The following NR1H2 variants were observed in gnomAD, a reference collection of about 807,000 sequenced individuals.
The protein encoded by NR1H2 is oxysterols receptor LXR-beta.
Under a neutral mutation model 51.2 loss-of-function variants are expected in NR1H2, and 33 were observed. The observed-to-expected ratio is 0.64, with a 90% CI of 0.49 to 0.86. The LOEUF (loss-of-function observed/expected upper bound fraction) is 0.86, where lower values mean the gene tolerates loss of function less well. Among genes scored for constraint, NR1H2 ranks in the 40% least tolerant of loss-of-function variants. NR1H2 has a pLI of 0.00. For missense variants in NR1H2, 592 were observed against 639.9 expected, an observed-to-expected ratio of 0.93 and a Z score of 0.81; for synonymous variants, 310 against 264.3, an observed-to-expected ratio of 1.17 and a Z score of -1.68.
intron 8 of NR1H2, among the ~76,000 whole-genome samples, chr19:50,380,088 T>A (rs1288047285): frequency 6.6e-6 from 1 of 152,178 alleles, no homozygotes; most frequent in Non-Finnish European, 1.5e-5. Flanking sequence ...GAGGGCAGAT[T>A]GCTTGAGGCT....
intron 7 of NR1H2, among the ~76,000 whole-genome samples, 163 bp downstream of exon 7, chr19:50,379,344 G>A (rs2037727351): frequency 6.6e-6 from 1 of 152,232 alleles, no homozygotes; most frequent in Non-Finnish European, 1.5e-5. Context: ...CTGAGGCTGA[G>A]AAAATTGAGG....
chr19:50,377,564 T>G, intron 2 of NR1H2, 23 bp from the exon 3 acceptor site: 1 of 1,599,930 alleles, frequency 6.3e-7, no homozygotes, highest in East Asian at 2.2e-5. Context: ...CCCACAAGGC[T>G]CTCAATCCCC....
At position 50,378,577 on chromosome 19, in the gene NR1H2, G is replaced by C; in HGVS notation, c.528G>C (p.Glu176Asp). The C allele has an allele frequency of 6.2e-7, 1 of 1,613,812 alleles. No homozygotes were observed. Among genetic ancestry groups the C allele is most frequent in the Non-Finnish European group, 8.5e-7 (1 of 1,179,748 alleles). ...AGAAGATTCGGAAACAGCAGCAGGA[G>C]TCACAGTCACAGTCGCAGTCACCTG... ...RKKKIRKQQQESQSQSQSPVG... is the reference protein window; with the variant it reads ...RKKKIRKQQQDSQSQSQSPVG... The change falls in exon 6 of 10, where the codon GAG becomes GAC. Residue 176 changes from glutamate to aspartate, a missense_variant. Transcript: ENST00000253727.
At chr19:50,376,663 T>A (rs2037667716) in intron 1 of NR1H2, 56 bp from the exon 2 acceptor site, 2 of 152,316 alleles carry the variant, frequency 1.3e-5, no homozygotes, top group Non-Finnish European at 2.9e-5. Flanking sequence ...CTCTGCCCCC[T>A]TCTCTCCTTC....
Position 50,377,602 on chromosome 19 carries a change from C to T in NR1H2, c.-4C>T. The T allele has an allele frequency of 1.9e-6, 3 of 1,613,758 alleles. No homozygotes were observed. The highest frequency in any genetic ancestry group is 1.7e-6 in the Non-Finnish European group (2 of 1,179,772). On this transcript the variant is annotated 5_prime_UTR_variant, in exon 3 of 10. Coordinates refer to ENST00000253727, the MANE Select transcript of NR1H2 (RefSeq NM_007121.7). ...TATTCTACAGGCTGCTCCGTGACCC[C>T]ACCATGTCCTCTCCTACCACGAGTT...
rs573049582 is a variant in NR1H2, at chr19:50,379,873, C to T, written c.1021C>T (p.Arg341Cys). Reference protein sequence around the residue: ...DFTYSKDDFHRAGLQVEFINP... With the variant: ...DFTYSKDDFHCAGLQVEFINP... ...CACCTACAGCAAGGACGACTTCCACCGTGCAGGTAGGGCCCAGGGGAGGCT... is the reference window on the plus strand; with the variant it reads ...CACCTACAGCAAGGACGACTTCCACTGTGCAGGTAGGGCCCAGGGGAGGCT... Residue 341 changes from arginine (R) to cysteine (C), a missense_variant, in exon 8 of 10, where the codon CGT (arginine) becomes TGT (cysteine). Coordinates refer to ENST00000253727, the MANE Select transcript of NR1H2 (RefSeq NM_007121.7). 1.1e-5 allele frequency: 17 copies of T among 1,611,992 alleles called. No homozygotes were observed. The highest frequency in any genetic ancestry group is 5.3e-5 in the African/African-American group (4 of 74,988).
chr19:50,379,684 C>G (rs2037734231), intron 7 of NR1H2, 96 bp from the exon 8 acceptor site: 4 of 777,776 alleles, frequency 5.1e-6, no homozygotes, highest in Non-Finnish European at 9.2e-6. Context: ...AAGGGATAAT[C>G]CTGGTGAGAT....
At position 50,382,742 on chromosome 19, in the gene NR1H2, C is replaced by G. The variant is rs2037803006; in HGVS notation, c.*140C>G. ...CGGCTCTCATCCCTTGGGATAAGCC[C>G]CAGTCCAGGTCCAGGAGGCTCCCTC... is the stretch of plus-strand genomic sequence containing the variant. On this transcript the variant is annotated 3_prime_UTR_variant, in exon 10 of 10. Coordinates refer to ENST00000253727, the MANE Select transcript of NR1H2 (RefSeq NM_007121.7). The G allele has an allele frequency of 3.3e-6, 3 of 897,024 alleles. No homozygotes were observed. The highest frequency in any genetic ancestry group is 4.9e-6 in the Non-Finnish European group (3 of 614,294). The allele number at this position is 897,024 out of a possible 1,614,324, so 55.6% of individuals were successfully genotyped here. A position where few individuals can be genotyped will look rare whatever the true frequency, so the allele number is the denominator to read the frequency against.
Position 50,381,996 on chromosome 19 carries a change from TCGAG to T in NR1H2, c.1059_1062del (p.Glu354SerfsTer68). On this transcript the variant is annotated frameshift_variant, in exon 9 of 10. Coordinates refer to ENST00000253727, the MANE Select transcript of NR1H2 (RefSeq NM_007121.7). LOFTEE classifies it high-confidence loss of function. ...CAGGTGGAGTTCATCAACCCCATCT[TCGAG>T]TTCTCGCGGGCCATGCGGCGGCTGG... 1 of 1,564,316 alleles carries T rather than the reference TCGAG, an allele frequency of 6.4e-7. No homozygotes were observed. The highest frequency in any genetic ancestry group is 8.7e-7 in the Non-Finnish European group (1 of 1,153,836).
intron 7 of NR1H2, 24 bp downstream of exon 7, chr19:50,379,205 G>A: frequency 6.3e-7 from 1 of 1,595,444 alleles, no homozygotes; most frequent in Non-Finnish European, 8.5e-7. Flanking sequence ...TGCCCACAAG[G>A]AACCCCAGAG....
rs187046950 is a variant in NR1H2, at chr19:50,377,550, T to C, written c.-19-37T>C. On this transcript the variant is annotated intron_variant, in intron 2 of 9. Transcript: ENST00000253727. ...GTAACTGACCTAACCTAACCCTTCT[T>C]AGCCCCACAAGGCTCTCAATCCCCT... 42 of 1,558,532 alleles carry C rather than the reference T, an allele frequency of 2.7e-5. 1 individual carries two copies. The African/African-American group carries it at 5.4e-4, about 20-fold the overall frequency.
At position 50,380,159 on chromosome 19, in the gene NR1H2, A is replaced by AT. The variant is rs1038443789; in HGVS notation, c.1027+286dup. The stretch of plus-strand genomic sequence containing the variant: ...TGGTGACAGAGAAGACCGTGTCTCT[A>AT]TTTTTTAAAAAAAGCATGTATTGAG... On this transcript the variant is annotated intron_variant, in intron 8 of 9. Coordinates refer to ENST00000253727, the MANE Select transcript of NR1H2 (RefSeq NM_007121.7). Among the ~76,000 whole-genome samples the AT allele has an allele frequency of 1.4e-4, 22 of 151,878 alleles. 1 individual carries two copies. Among genetic ancestry groups the AT allele is most frequent in the African/African-American group, 5.3e-4 (22 of 41,224 alleles).
chr19:50,380,235 T>C (rs1169999094), intron 8 of NR1H2, among the ~76,000 whole-genome samples: 1 of 152,158 alleles, frequency 6.6e-6, no homozygotes, highest in Non-Finnish European at 1.5e-5. Context: ...GGAGGAGCCC[T>C]GTTACCACAT....
At chr19:50,381,305 G>T (rs940577168) in intron 8 of NR1H2, among the ~76,000 whole-genome samples, 3 of 152,324 alleles carry the variant, frequency 2.0e-5, no homozygotes, top group East Asian at 1.9e-4. Flanking sequence ...ATCTCCTTCG[G>T]ATTGGTCACT....
At chr19:50,379,699 C>T (rs2037734469) in intron 7 of NR1H2, 81 bp from the exon 8 acceptor site, 2 of 843,952 alleles carry the variant, frequency 2.4e-6, no homozygotes, top group Non-Finnish European at 4.1e-6. Context: ...TGAGATTAGA[C>T]CCCCATTTGG....
Position 50,382,729 on chromosome 19 carries a change from C to T in NR1H2, c.*127C>T. On this transcript the variant is annotated 3_prime_UTR_variant, in exon 10 of 10. Transcript: ENST00000253727. Reference sequence around the variant, plus strand: ...CCTGTAGACCTATCGGCTCTCATCCCTTGGGATAAGCCCCAGTCCAGGTCC... The same window carrying T: ...CCTGTAGACCTATCGGCTCTCATCCTTTGGGATAAGCCCCAGTCCAGGTCC... The T allele has an allele frequency of 9.8e-7, 1 of 1,023,676 alleles. No individual in the cohort carries two copies. The highest frequency in any genetic ancestry group is 1.4e-6 in the Non-Finnish European group (1 of 721,410). The allele number at this position is 1,023,676 out of a possible 1,614,324, so 63.4% of individuals were successfully genotyped here.
At chr19:50,377,413 A>C in intron 2 of NR1H2, 174 bp from the exon 3 acceptor site, 1 of 545,740 alleles carries the variant, frequency 1.8e-6, no homozygotes, top group Non-Finnish European at 3.2e-6. Context: ...AGAAGGGGGC[A>C]GGTCTTGTTA....
In NR1H2 at chr19:50,382,684, G is replaced by A; in HGVS notation, c.*82G>A. 4 of 1,433,878 alleles carry A rather than the reference G, an allele frequency of 2.8e-6. No individual in the cohort carries two copies. Among genetic ancestry groups the A allele is most frequent in the Non-Finnish European group, 2.8e-6 (3 of 1,074,886 alleles). 88.8% of individuals were successfully genotyped at this position (1,433,878 alleles called of 1,614,324 possible). A position where few individuals can be genotyped will look rare whatever the true frequency, so the allele number is the denominator to read the frequency against. ...CGGCACCCCTTCCTCTTCCTAGGGT[G>A]GAAGGGGCCCTGGGCCGAGCCTGTA... On this transcript the variant is annotated 3_prime_UTR_variant, in exon 10 of 10. Coordinates refer to ENST00000253727, the MANE Select transcript of NR1H2 (RefSeq NM_007121.7).
Position 50,382,951 on chromosome 19 carries a change from T to C in NR1H2, c.*349T>C, listed in dbSNP as rs901610913. 4.7e-6 allele frequency: 1 copy of C among 212,566 alleles called. No individual in the cohort carries two copies. Among genetic ancestry groups the C allele is most frequent in the Non-Finnish European group, 9.3e-6 (1 of 107,626 alleles). The allele number at this position is 212,566 out of a possible 1,614,324, so 13.2% of individuals were successfully genotyped here. ...GGAGACCAGGGCCTTCCTCTTCCTC[T>C]GCTTTTATTTAATAAAAACTAAAAA... On this transcript the variant is annotated 3_prime_UTR_variant, in exon 10 of 10. Coordinates refer to ENST00000253727, the MANE Select transcript of NR1H2 (RefSeq NM_007121.7).
Sources: allele counts gnomAD v4.1 joint callset (sites outside exome capture counted in the v4.1 genomes callset), GRCh38; gene constraint gnomAD v4.1.1; transcripts MANE v1.5; gene names NCBI Gene and HGNC (gene_info 2026-07-23, HGNC 2026-07-21).